Variants in NBAS observed in about 807,000 individuals in gnomAD.
NBAS encodes NAG/BC035112 fusion.
A neutral mutation model predicts 302.5 loss-of-function variants in NBAS; 219 were observed. That is an observed-to-expected ratio of 0.72 (90% CI 0.65 to 0.81). The LOEUF is 0.81. Ranked by LOEUF, NBAS falls within the 30% of genes least tolerant of loss-of-function variation. The probability of loss-of-function intolerance (pLI) is 0.00; values close to 1 mark genes in which losing one functional copy is unlikely to be tolerated. For missense variants in NBAS, 2,932 were observed against 2,841.6 expected, an observed-to-expected ratio of 1.03 and a Z score of -0.72; for synonymous variants, 1,118 against 1,021.6, an observed-to-expected ratio of 1.09 and a Z score of -1.80.
chr2:15,501,638 G>T (rs1231544381), intron 11 of NBAS, among the ~76,000 whole-genome samples: 2 of 138,588 alleles, frequency 1.4e-5, no homozygotes, highest in Non-Finnish European at 3.0e-5. Flanking sequence ...CGCCCAGGCT[G>T]GAGTGCAGTG....
the NBAS span, among the ~76,000 whole-genome samples, chr2:14,787,420 T>C: frequency 3.8e-4 from 58 of 152,310 alleles, no homozygotes; most frequent in Non-Finnish European, 6.6e-4. Flanking sequence ...CTAGCCTCGA[T>C]GGTCTTTACA....
chr2:14,866,078 C>A, the NBAS span, among the ~76,000 whole-genome samples: 5 of 152,060 alleles, frequency 3.3e-5, no homozygotes, highest in Admixed American at 3.3e-4. Flanking sequence ...ATCTGATTGG[C>A]AAAAATCATG....
At chr2:15,428,855 A>T (rs1335409983) in intron 21 of NBAS, among the ~76,000 whole-genome samples, 1 of 151,378 alleles carries the variant, frequency 6.6e-6, no homozygotes, top group East Asian at 1.9e-4. Context: ...CATCCTAGCT[A>T]ACACAGTGAA....
the NBAS span, among the ~76,000 whole-genome samples, chr2:14,905,410 A>G: frequency 6.6e-6 from 1 of 152,154 alleles, no homozygotes; most frequent in Non-Finnish European, 1.5e-5. Context: ...GAACCATAAA[A>G]CCAGAGCAGA....
intron 1 of NBAS, among the ~76,000 whole-genome samples, 160 bp from the exon 2 acceptor site, chr2:15,558,794 T>G (rs995677024): frequency 6.6e-6 from 1 of 152,024 alleles, no homozygotes; most frequent in Non-Finnish European, 1.5e-5. Context: ...GATGTTCAGG[T>G]GCAGTGGCTC....
chr2:14,894,451 T>A, the NBAS span, among the ~76,000 whole-genome samples: 9 of 152,110 alleles, frequency 5.9e-5, no homozygotes, highest in Non-Finnish European at 1.3e-4. Flanking sequence ...ATAGGGTATT[T>A]TGAAGAGTTT....
the NBAS span, among the ~76,000 whole-genome samples, chr2:15,125,274 A>C: frequency 6.6e-6 from 1 of 152,208 alleles, no homozygotes; most frequent in Admixed American, 6.5e-5. Flanking sequence ...CCAGAAGCAC[A>C]GTTCTGGCAT....
At chr2:15,439,295 C>T (rs573648598) in intron 21 of NBAS, among the ~76,000 whole-genome samples, 2 of 143,040 alleles carry the variant, frequency 1.4e-5, no homozygotes, top group African/African-American at 2.6e-5. Flanking sequence ...GAGCAAGACT[C>T]GGTCTCAAAT....
intron 35 of NBAS, among the ~76,000 whole-genome samples, chr2:15,339,917 CA>C (rs1185964525): frequency 1.6e-5 from 2 of 128,548 alleles, no homozygotes; most frequent in Admixed American, 7.7e-5. Flanking sequence ...TAAAGAATGG[CA>C]AAAAGGAAAA....
At chr2:15,122,658 A>G in the NBAS span, among the ~76,000 whole-genome samples, 3 of 152,298 alleles carry the variant, frequency 2.0e-5, no homozygotes, top group South Asian at 4.1e-4. Context: ...ACAAAGAAAG[A>G]AAGACAGAAA....
chr2:15,097,081 G>C, the NBAS span, among the ~76,000 whole-genome samples: 4 of 152,288 alleles, frequency 2.6e-5, no homozygotes, highest in Admixed American at 6.5e-5. Flanking sequence ...GGGTGACTCT[G>C]GGAACCAGGG....
At chr2:14,804,053 T>C in the NBAS span, among the ~76,000 whole-genome samples, 2 of 152,224 alleles carry the variant, frequency 1.3e-5, no homozygotes, top group South Asian at 4.1e-4. Flanking sequence ...AGTTAATTCA[T>C]GGATTTTGTA....
the NBAS span, among the ~76,000 whole-genome samples, chr2:15,120,053 A>T: frequency 1.3e-5 from 2 of 152,134 alleles, no homozygotes; most frequent in Admixed American, 1.3e-4. Flanking sequence ...GATGGCCAAA[A>T]ATATTCCAAA....
the NBAS span, among the ~76,000 whole-genome samples, chr2:15,108,700 T>C: frequency 6.6e-6 from 1 of 152,104 alleles, no homozygotes; most frequent in Non-Finnish European, 1.5e-5. Flanking sequence ...CCGTGTGAAG[T>C]TCATAGTTTT....
At chr2:14,840,614 G>A in the NBAS span, among the ~76,000 whole-genome samples, 17 of 152,066 alleles carry the variant, frequency 1.1e-4, no homozygotes, top group Middle Eastern at 3.4e-3. Flanking sequence ...CCAGGAGGGT[G>A]TTAGATAATG....
At chr2:15,057,243 G>A in the NBAS span, among the ~76,000 whole-genome samples, 1 of 149,714 alleles carries the variant, frequency 6.7e-6, no homozygotes, top group Non-Finnish European at 1.5e-5. Context: ...CCAGATGCAA[G>A]CACTCCGTGT....
At chr2:15,009,603 TACACACACACACAC>T in the NBAS span, among the ~76,000 whole-genome samples, 14 of 130,778 alleles carry the variant, frequency 1.1e-4, no homozygotes, top group East Asian at 2.3e-4. Flanking sequence ...TGCAACATCA[TACACACACACACAC>T]ACACACACAC....
chr2:15,447,013 A>T (rs897509643), intron 21 of NBAS, among the ~76,000 whole-genome samples: 3 of 152,204 alleles, frequency 2.0e-5, no homozygotes, highest in Non-Finnish European at 4.4e-5. Flanking sequence ...AATTGAGACA[A>T]GTAGCAAACA....
chr2:14,796,277 G>A, the NBAS span, among the ~76,000 whole-genome samples: 3 of 152,182 alleles, frequency 2.0e-5, no homozygotes, highest in Middle Eastern at 0.01. Context: ...GATAGGGAAG[G>A]TTCTACAACT....
Sources: gnomAD v4.1 joint callset for allele counts (sites outside exome capture counted in the v4.1 genomes callset) on GRCh38, gnomAD v4.1.1 for gene constraint, MANE v1.5 for transcripts, NCBI Gene and HGNC (gene_info 2026-07-23, HGNC 2026-07-21) for gene names.